CTNNA3: variants seen among roughly 807,000 people sequenced by gnomAD.
The protein encoded by CTNNA3 is catenin alpha-3.
In CTNNA3, 76 loss-of-function variants were observed where a neutral mutation model predicts 95.7. The ratio of observed to expected loss-of-function variants is 0.79; its 90% CI spans 0.66 to 0.96. The LOEUF (loss-of-function observed/expected upper bound fraction) is 0.96. Ranked by LOEUF, CTNNA3 falls within the 40% of genes least tolerant of loss-of-function variation. The pLI is 0.00. For missense variants in CTNNA3, 1,191 were observed against 1,089.8 expected (o/e 1.09, Z -1.31); for synonymous variants, 431 against 374.4 (o/e 1.15, Z -1.74).
intron 7 of CTNNA3, among the ~76,000 whole-genome samples, chr10:67,037,333 C>T (rs1472227177): frequency 2.0e-5 from 3 of 147,354 alleles, no homozygotes; most frequent in Non-Finnish European, 4.4e-5. Flanking sequence ...TCAGCAGTTA[C>T]TATGTGGCAA....
intron 10 of CTNNA3, among the ~76,000 whole-genome samples, chr10:66,604,065 C>T (rs1844026797): frequency 6.6e-6 from 1 of 151,094 alleles, no homozygotes; most frequent in Admixed American, 6.6e-5. Context: ...GTGAAAAAAG[C>T]AAAAATAGAC....
At chr10:67,545,903 T>C (rs1322597532) in intron 3 of CTNNA3, among the ~76,000 whole-genome samples, 2 of 152,164 alleles carry the variant, frequency 1.3e-5, no homozygotes, top group Non-Finnish European at 2.9e-5. Flanking sequence ...TAGTCAAACT[T>C]TAATTATGTA....
chr10:66,520,534 G>T (rs1343869583), intron 11 of CTNNA3, 83 bp downstream of exon 11: 2 of 1,288,262 alleles, frequency 1.6e-6, no homozygotes, highest in East Asian at 5.6e-5. Flanking sequence ...TTACAGGCAT[G>T]AGCCACCATG....
chr10:67,334,562 C>G (rs964853718), intron 5 of CTNNA3: 1 of 152,558 alleles, frequency 6.6e-6, no homozygotes, highest in African/African-American at 2.4e-5. Context: ...AGTGACTGCA[C>G]GTGATGTGGG....
intron 5 of CTNNA3, among the ~76,000 whole-genome samples, chr10:67,248,454 C>T (rs1865986147): frequency 6.9e-6 from 1 of 145,716 alleles, no homozygotes; most frequent in African/African-American, 2.5e-5. Context: ...CTCGCTTAGT[C>T]ACTAGGCTGG....
chr10:67,151,715 A>G (rs2132067320), intron 7 of CTNNA3, among the ~76,000 whole-genome samples: 1 of 152,370 alleles, frequency 6.6e-6, no homozygotes. Flanking sequence ...TTTACGGAGT[A>G]TCACAGCATT....
intron 13 of CTNNA3, among the ~76,000 whole-genome samples, chr10:66,122,751 G>T (rs1481496345): frequency 6.6e-6 from 1 of 152,206 alleles, no homozygotes; most frequent in Non-Finnish European, 1.5e-5. Context: ...ATAGCAGAAG[G>T]CAATGAGAAG....
chr10:67,369,490 A>C (rs1433571501), intron 5 of CTNNA3, among the ~76,000 whole-genome samples: 2 of 152,204 alleles, frequency 1.3e-5, no homozygotes, highest in Non-Finnish European at 2.9e-5. Flanking sequence ...TAAAAGAAAA[A>C]AATGTATAAA....
intron 7 of CTNNA3, among the ~76,000 whole-genome samples, chr10:67,080,776 G>A (rs530495171): frequency 3.9e-5 from 6 of 152,146 alleles, no homozygotes; most frequent in African/African-American, 7.2e-5. Flanking sequence ...CGGCGTGGTG[G>A]CGGGCGCCTG....
chr10:67,678,926 AG>A (rs1227510857), intron 1 of CTNNA3, among the ~76,000 whole-genome samples: 1 of 152,218 alleles, frequency 6.6e-6, no homozygotes, highest in Non-Finnish European at 1.5e-5. Flanking sequence ...TAGATAAAAA[AG>A]GTACAAGTCT....
rs139148416 is a variant in CTNNA3, at chr10:66,639,634, A to T, written c.1282-17850T>A. On this transcript the variant is annotated intron_variant, in intron 9 of 17. Coordinates refer to ENST00000433211, the MANE Select transcript of CTNNA3 (RefSeq NM_013266.4). The stretch of plus-strand genomic sequence containing the variant: ...AATAATATAACTTTAAATCCTTCTA[A>T]CTCTCCACTCTTTCATATTCTCCAG... Among the ~76,000 whole-genome samples, 497 of 151,898 alleles carry T rather than the reference A, an allele frequency of 3.3e-3. 3 individuals carry two copies. Among genetic ancestry groups the T allele is most frequent in the Non-Finnish European group, 4.9e-3 (334 of 67,918 alleles).
intron 7 of CTNNA3, among the ~76,000 whole-genome samples, chr10:67,176,550 A>G (rs1862251948): frequency 6.6e-6 from 1 of 152,214 alleles, no homozygotes; most frequent in African/African-American, 2.4e-5. Context: ...ACTAGGGAAG[A>G]CTAGTATTGA....
intron 5 of CTNNA3, among the ~76,000 whole-genome samples, chr10:67,342,446 T>C (rs1842245422): frequency 6.6e-6 from 1 of 152,166 alleles, no homozygotes; most frequent in Non-Finnish European, 1.5e-5. Flanking sequence ...CAACTTGACG[T>C]GATCCCATTT....
rs886748355 is a variant in CTNNA3 at position 65,916,295 on chromosome 10, C to T, written c.*4035G>A. 6.6e-6 allele frequency: 1 copy of T among 151,958 alleles called. No homozygotes were observed. 9.4% of individuals were successfully genotyped at this position (151,958 alleles called of 1,614,324 possible). On this transcript the variant is annotated 3_prime_UTR_variant, in exon 18 of 18. Transcript: ENST00000433211. Reference sequence around the variant, plus strand: ...AATGAATATTTGATTCCTAAATATACAATAGGCAGGCTGTCTTGGCAAAAA... The same window carrying T: ...AATGAATATTTGATTCCTAAATATATAATAGGCAGGCTGTCTTGGCAAAAA...
chr10:66,022,930 G>A (rs2079251690), intron 15 of CTNNA3, among the ~76,000 whole-genome samples: 1 of 152,094 alleles, frequency 6.6e-6, no homozygotes, highest in African/African-American at 2.4e-5. Context: ...TAAAAAATGT[G>A]AGGACTTCCC....
At chr10:66,472,177 G>T (rs1340049419) in intron 11 of CTNNA3, among the ~76,000 whole-genome samples, 1 of 151,910 alleles carries the variant, frequency 6.6e-6, no homozygotes, top group Non-Finnish European at 1.5e-5. Flanking sequence ...TTGGCAGAAA[G>T]AAGGGTGCTT....
rs531613610 is a variant in CTNNA3, at chr10:66,654,862, G to T, written c.1282-33078C>A. 1.2e-4 allele frequency among the ~76,000 whole-genome samples: 18 copies of T among 152,178 alleles called. No homozygotes were observed. The East Asian group carries it at 2.9e-3, about 24-fold the overall frequency. On this transcript the variant is annotated intron_variant, in intron 9 of 17. Coordinates refer to ENST00000433211, the MANE Select transcript of CTNNA3 (RefSeq NM_013266.4). ...TGAAATAAGACAGGCTTTACCACATGATCTAACTTACATGTGAAATCTAAA... is the reference window on the plus strand; with the variant it reads ...TGAAATAAGACAGGCTTTACCACATTATCTAACTTACATGTGAAATCTAAA...
chr10:66,420,566 T>C (rs2093182734), intron 11 of CTNNA3, among the ~76,000 whole-genome samples: 1 of 151,908 alleles, frequency 6.6e-6, no homozygotes, highest in South Asian at 2.1e-4. Flanking sequence ...TTTGGGAATC[T>C]GAGACGGGCA....
chr10:66,918,059 G>C (rs1366221446), intron 7 of CTNNA3, among the ~76,000 whole-genome samples: 2 of 152,156 alleles, frequency 1.3e-5, no homozygotes, highest in African/African-American at 2.4e-5. Flanking sequence ...AATTTGTTCT[G>C]AAAGAAAAGC....
Sources: allele counts gnomAD v4.1 joint callset (sites outside exome capture counted in the v4.1 genomes callset), GRCh38; gene constraint gnomAD v4.1.1; transcripts MANE v1.5; gene names NCBI Gene and HGNC (gene_info 2026-07-23, HGNC 2026-07-21).